The following VAT1L variants were observed in gnomAD, a reference collection of about 807,000 sequenced individuals.
The protein encoded by VAT1L is putative NADPH-dependent quinone oxidoreductase VAT1L.
A neutral mutation model predicts 44.1 loss-of-function variants in VAT1L; 34 were observed. The observed-to-expected ratio is 0.77, with a 90% CI of 0.59 to 1.03. The LOEUF (loss-of-function observed/expected upper bound fraction) is 1.03. Ranked by LOEUF, VAT1L falls within the 50% of genes least tolerant of loss-of-function variation. The pLI is 0.00. For synonymous variants in VAT1L, 253 were observed against 202.2 expected, an observed-to-expected ratio of 1.25 and a Z score of -2.13; for missense variants, 615 against 538.8, an observed-to-expected ratio of 1.14 and a Z score of -1.40.
At chr16:77,804,617 G>A (rs77652172) in intron 1 of VAT1L, among the ~76,000 whole-genome samples, 2,852 of 152,220 alleles carry the variant, frequency 0.019, 50 homozygotes, top group Middle Eastern at 0.092. Context: ...CCTCCTCTCT[G>A]TCCTTATTTC....
intron 3 of VAT1L, among the ~76,000 whole-genome samples, chr16:77,830,946 A>C (rs1210854386): frequency 6.6e-6 from 1 of 152,156 alleles, no homozygotes; most frequent in African/African-American, 2.4e-5. Context: ...GGCCTCCCAA[A>C]GTGCTGGGAT....
chr16:77,953,219 C>G (rs552145821), intron 7 of VAT1L, among the ~76,000 whole-genome samples: 1 of 152,152 alleles, frequency 6.6e-6, no homozygotes, highest in Non-Finnish European at 1.5e-5. Flanking sequence ...GGAACCAATC[C>G]GGCTGACATT....
rs140635053 is a variant in VAT1L at position 77,943,469 on chromosome 16, G to A, written c.1078-28381G>A. Among the ~76,000 whole-genome samples the A allele has an allele frequency of 2.8e-4, 36 of 129,632 alleles. 1 individual carries two copies. Among genetic ancestry groups the A allele is most frequent in the Admixed American group, 8.3e-4 (10 of 11,990 alleles). 85.0% of individuals were successfully genotyped at this position (129,632 alleles called of 152,430 possible). A position where few individuals can be genotyped will look rare whatever the true frequency, so the allele number is the denominator to read the frequency against. ...GGCTGGAGTGCAGCGGCACCATCAC[G>A]GCTCACTGCAAGCTCCACCTCCCGG... On this transcript the variant is annotated intron_variant, in intron 7 of 8. Coordinates refer to ENST00000302536, the MANE Select transcript of VAT1L (RefSeq NM_020927.3).
chr16:77,922,038 G>C lies in VAT1L; in HGVS notation c.1077+37236G>C, dbSNP rs117626431. 1.2e-3 allele frequency among the ~76,000 whole-genome samples: 176 copies of C among 152,260 alleles called. 3 individuals carry two copies. The East Asian group carries it at 0.03, about 26-fold the overall frequency. On this transcript the variant is annotated intron_variant, in intron 7 of 8. Coordinates refer to ENST00000302536, the MANE Select transcript of VAT1L (RefSeq NM_020927.3). ...GTTGGAATTACAGGCATGAGCCACT[G>C]CATTCTAGCCACATATACTTTAGAA...
intron 7 of VAT1L, among the ~76,000 whole-genome samples, chr16:77,948,560 G>A (rs2018000058): frequency 6.6e-6 from 1 of 152,060 alleles, no homozygotes. Flanking sequence ...TATAAAAGCA[G>A]CAATTATAGG....
At chr16:77,915,388 A>G (rs181559987) in intron 7 of VAT1L, among the ~76,000 whole-genome samples, 4 of 152,326 alleles carry the variant, frequency 2.6e-5, no homozygotes, top group African/African-American at 9.6e-5. Flanking sequence ...TCTGCACACC[A>G]GTGGCTGTGA....
At chr16:77,866,091 G>C (rs1020057577) in intron 4 of VAT1L, among the ~76,000 whole-genome samples, 7 of 152,176 alleles carry the variant, frequency 4.6e-5, no homozygotes, top group Non-Finnish European at 1.0e-4. Context: ...TGCCCAGGAA[G>C]TTACAGATAC....
rs116092574 is a variant in VAT1L, at chr16:77,928,673, G to A, written c.1078-43177G>A. Among the ~76,000 whole-genome samples the A allele has an allele frequency of 6.7e-3, 1,015 of 152,174 alleles. 9 individuals carry two copies. Among genetic ancestry groups the A allele is most frequent in the African/African-American group, 0.023 (967 of 41,516 alleles). The stretch of plus-strand genomic sequence containing the variant: ...TGAAAGCAAGCCCCTCGTAAATGAC[G>A]TGTTTCATATTACTCACCAAAATCA... On this transcript the variant is annotated intron_variant, in intron 7 of 8. Coordinates refer to ENST00000302536, the MANE Select transcript of VAT1L (RefSeq NM_020927.3).
chr16:77,971,382 G>T (rs756456761), intron 7 of VAT1L, among the ~76,000 whole-genome samples: 3 of 152,234 alleles, frequency 2.0e-5, no homozygotes, highest in East Asian at 1.9e-4. Context: ...AACCAGAATC[G>T]TGAGAATTTT....
At chr16:77,974,805 G>C (rs185872845) in intron 8 of VAT1L, among the ~76,000 whole-genome samples, 2 of 152,056 alleles carry the variant, frequency 1.3e-5, no homozygotes, top group African/African-American at 4.8e-5. Flanking sequence ...CTGACCCCAA[G>C]TGACCCACCT....
At chr16:77,905,833 A>T (rs1333472401) in intron 7 of VAT1L, among the ~76,000 whole-genome samples, 1 of 152,226 alleles carries the variant, frequency 6.6e-6, no homozygotes, top group African/African-American at 2.4e-5. Context: ...ATAGTCACTA[A>T]AAAGAGTCAA....
intron 7 of VAT1L, among the ~76,000 whole-genome samples, chr16:77,924,895 A>C (rs1319556381): frequency 2.0e-5 from 3 of 152,206 alleles, no homozygotes; most frequent in Non-Finnish European, 4.4e-5. Flanking sequence ...TAGCCAGCTC[A>C]GTCTCTGTAC....
At chr16:77,842,879 A>T (rs2016720706) in intron 3 of VAT1L, among the ~76,000 whole-genome samples, 2 of 152,238 alleles carry the variant, frequency 1.3e-5, no homozygotes, top group African/African-American at 4.8e-5. Flanking sequence ...AAAATTAAAC[A>T]AGGAAATGTA....
chr16:77,969,913 C>G (rs1437470915), intron 7 of VAT1L, among the ~76,000 whole-genome samples: 1 of 151,828 alleles, frequency 6.6e-6, no homozygotes, highest in Non-Finnish European at 1.5e-5. Context: ...TCATATGACA[C>G]TATTAATCAG....
intron 7 of VAT1L, among the ~76,000 whole-genome samples, chr16:77,902,232 A>C (rs2017390490): frequency 6.6e-6 from 1 of 152,240 alleles, no homozygotes; most frequent in Non-Finnish European, 1.5e-5. Flanking sequence ...AAAGGAGCAG[A>C]AGGCCATGGA....
At chr16:77,921,126 T>A (rs2017607394) in intron 7 of VAT1L, among the ~76,000 whole-genome samples, 1 of 152,224 alleles carries the variant, frequency 6.6e-6, no homozygotes, top group African/African-American at 2.4e-5. Flanking sequence ...AGGACTCTGA[T>A]GCCAAATCTT....
chr16:77,842,310 G>A (rs1161481965), intron 3 of VAT1L, among the ~76,000 whole-genome samples: 3 of 152,172 alleles, frequency 2.0e-5, no homozygotes, highest in East Asian at 1.9e-4. Context: ...ATAGATGGGT[G>A]CCCACTCAGT....
intron 3 of VAT1L, among the ~76,000 whole-genome samples, chr16:77,826,348 G>A (rs1227789457): frequency 6.6e-6 from 1 of 152,188 alleles, no homozygotes; most frequent in Non-Finnish European, 1.5e-5. Context: ...TTTTGTCAGT[G>A]ATTTAGTTTT....
At chr16:77,807,068 A>G (rs1046374362) in intron 1 of VAT1L, among the ~76,000 whole-genome samples, 2 of 152,118 alleles carry the variant, frequency 1.3e-5, no homozygotes, top group African/African-American at 4.8e-5. Context: ...CCTTTGCACC[A>G]TTTGTTATAA....
Sources: allele counts gnomAD v4.1 joint callset (sites outside exome capture counted in the v4.1 genomes callset), GRCh38; gene constraint gnomAD v4.1.1; transcripts MANE v1.5; gene names NCBI Gene and HGNC (gene_info 2026-07-23, HGNC 2026-07-21).